Variants in TPRA1 observed in about 807,000 individuals in gnomAD.
TPRA1 encodes transmembrane protein adipocyte associated 1.
TPRA1 carries 28 observed loss-of-function variants against 40.1 expected under a neutral mutation model. That is an observed-to-expected ratio of 0.70 (90% CI 0.52 to 0.96). The LOEUF is 0.96. Ranked by LOEUF, TPRA1 falls within the 40% of genes least tolerant of loss-of-function variation. The pLI is 0.00. For missense variants in TPRA1, 441 were observed against 482.6 expected, an observed-to-expected ratio of 0.91 and a Z score of 0.81; for synonymous variants, 219 against 209.7, an observed-to-expected ratio of 1.04 and a Z score of -0.38.
At chr3:127,582,004 G>T (rs535647872) in intron 1 of TPRA1, among the ~76,000 whole-genome samples, 1 of 152,000 alleles carries the variant, frequency 6.6e-6, no homozygotes, top group South Asian at 2.1e-4. Context: ...GCAAGGAGCC[G>T]CCCAGTGAGC....
At chr3:127,587,891 T>C (rs551747786) in intron 1 of TPRA1, among the ~76,000 whole-genome samples, 88 of 152,156 alleles carry the variant, frequency 5.8e-4, no homozygotes, top group South Asian at 1.2e-3. Context: ...GAAGCCCCCA[T>C]TGCTGTGGGG....
intron 1 of TPRA1, among the ~76,000 whole-genome samples, chr3:127,581,093 G>C (rs2073816892): frequency 6.6e-6 from 1 of 152,220 alleles, no homozygotes; most frequent in Non-Finnish European, 1.5e-5. Flanking sequence ...TCCTAAGCTA[G>C]AGGACTCTCA....
chr3:127,575,859 C>T, intron 7 of TPRA1, 50 bp from the exon 8 acceptor site: 1 of 1,612,018 alleles, frequency 6.2e-7, no homozygotes. Flanking sequence ...CAGCCCAGAC[C>T]CACAGCCAGA....
In TPRA1 at chr3:127,572,916, T is replaced by C. The variant is rs1429538954; in HGVS notation, c.*605A>G. Among the ~76,000 whole-genome samples the C allele has an allele frequency of 6.6e-6, 1 of 152,142 alleles. No homozygotes were observed. Among genetic ancestry groups the C allele is most frequent in the Admixed American group, 6.5e-5 (1 of 15,276 alleles). On this transcript the variant is annotated 3_prime_UTR_variant, in exon 11 of 11. Transcript: ENST00000355552. ...AGCGGCAGCTGGGATCCTGTTTCTC[T>C]TCACCTCCCCAGCAGCCAGCCCAGG...
intron 3 of TPRA1, among the ~76,000 whole-genome samples, chr3:127,579,469 G>T (rs370316520): frequency 4.3e-4 from 65 of 152,140 alleles, no homozygotes; most frequent in African/African-American, 1.5e-3. Flanking sequence ...GGTCTACACT[G>T]GCACTATCAG....
At chr3:127,581,804 C>T (rs1002204523) in intron 1 of TPRA1, among the ~76,000 whole-genome samples, 154 of 151,712 alleles carry the variant, frequency 1.0e-3, no homozygotes, top group African/African-American at 3.6e-3. Context: ...TGCCTATAGT[C>T]CCAGCTACTC....
At chr3:127,578,477 A>G (rs2107634383) in intron 3 of TPRA1, among the ~76,000 whole-genome samples, 1 of 152,326 alleles carries the variant, frequency 6.6e-6, no homozygotes, top group African/African-American at 2.4e-5. Context: ...CCAAAAGTTG[A>G]TGGGCTGGGC....
At chr3:127,596,173 G>C (rs2074238639) in intron 1 of TPRA1, among the ~76,000 whole-genome samples, 1 of 152,108 alleles carries the variant, frequency 6.6e-6, no homozygotes, top group South Asian at 2.1e-4. Flanking sequence ...TCCACCTCCA[G>C]TGTTCAAGTG....
rs778520404 is a variant in TPRA1 at position 127,573,636 on chromosome 3, G to A, written c.1007C>T (p.Thr336Met). 49 of 1,613,402 alleles carry A rather than the reference G, an allele frequency of 3.0e-5. No homozygotes were observed. The South Asian group carries it at 4.2e-4, about 14-fold the overall frequency. ...CACCCCGCCGGCAGAGTCGAACTGC[G>A]TGCTCGAGTAGCTGGCAGCTGAGGC... ...AGASAASYSS[T>M]QFDSAGGVAY... is the part of the protein sequence containing the mutation. Residue 336 changes from threonine (T) to methionine (M), a missense_variant, in exon 11 of 11, where the codon ACG (threonine) becomes ATG (methionine). By Grantham distance (81) the Thr-to-Met change is moderately conservative. Transcript: ENST00000355552.
At position 127,572,763 on chromosome 3, in the gene TPRA1, C is replaced by T. The variant is rs915800628; in HGVS notation, c.*758G>A. ...CATTCTGCGTTTTAATGGAGCTGAG[C>T]AGAGAGAACCGGCTGCCCAAGACAA... On this transcript the variant is annotated 3_prime_UTR_variant, in exon 11 of 11. Coordinates refer to ENST00000355552, the MANE Select transcript of TPRA1 (RefSeq NM_001136053.4). Among the ~76,000 whole-genome samples, 7 of 152,210 alleles carry T rather than the reference C, an allele frequency of 4.6e-5. No homozygotes were observed. The highest frequency in any genetic ancestry group is 1.7e-4 in the African/African-American group (7 of 41,458).
chr3:127,583,873 G>A (rs1025973239), intron 1 of TPRA1, among the ~76,000 whole-genome samples: 2 of 151,956 alleles, frequency 1.3e-5, no homozygotes, highest in East Asian at 2.0e-4. Context: ...GTTTCATCAC[G>A]TTGGCCAGGA....
In TPRA1 at chr3:127,590,485, C is replaced by G. The variant is rs2074139221; in HGVS notation, c.-93G>C. 1 of 152,362 alleles carries G rather than the reference C, an allele frequency of 6.6e-6. No individual in the cohort carries two copies. The highest frequency in any genetic ancestry group is 2.4e-5 in the African/African-American group (1 of 41,460). 9.4% of individuals were successfully genotyped at this position (152,362 alleles called of 1,614,324 possible). A position where few individuals can be genotyped will look rare whatever the true frequency, so the allele number is the denominator to read the frequency against. ...CCCATCCGCCGCCACTGGGTGTGCG[C>G]GGATCCAGCACAGGCCGCGGGACTC... On this transcript the variant is annotated 5_prime_UTR_variant, in exon 1 of 11. Coordinates refer to ENST00000355552, the MANE Select transcript of TPRA1 (RefSeq NM_001136053.4).
At chr3:127,582,417 T>C (rs1298599607) in intron 1 of TPRA1, among the ~76,000 whole-genome samples, 1 of 151,310 alleles carries the variant, frequency 6.6e-6, no homozygotes, top group Non-Finnish European at 1.5e-5. Flanking sequence ...AATACAAAAA[T>C]TGGCCGGGTG....
Position 127,576,666 on chromosome 3 carries a change from C to T in TPRA1, c.449G>A (p.Arg150Gln), listed in dbSNP as rs1212491539. 6 of 1,610,924 alleles carry T rather than the reference C, an allele frequency of 3.7e-6. No individual in the cohort carries two copies. Among genetic ancestry groups the T allele is most frequent in the South Asian group, 3.3e-5 (3 of 90,488 alleles). ...GHLESKSSIK[R>Q]VLAITTVLSL... ...CAGCACTGTGGTGATGGCCAGCACC[C>T]GCTTGATGCTGGACTTACTCTCCAG... is the stretch of plus-strand genomic sequence containing the variant. The change falls in exon 6 of 11, where the codon CGG (arginine) becomes CAG (glutamine). Residue 150 changes from arginine to glutamine, a missense_variant. Physicochemically the swap from Arg to Gln is conservative, Grantham distance 43 (BLOSUM62 1). Coordinates refer to ENST00000355552, the MANE Select transcript of TPRA1 (RefSeq NM_001136053.4). This position sits in a 1 kb window ranked among gnomAD's most constrained non-coding sequence, Gnocchi z 4.6.
intron 1 of TPRA1, among the ~76,000 whole-genome samples, chr3:127,588,685 TGCTAC>T (rs986934488): frequency 9.9e-5 from 15 of 152,234 alleles, no homozygotes; most frequent in African/African-American, 3.4e-4. Context: ...CCTCCCAAAG[TGCTAC>T]GATTACAGGC....
upstream of TPRA1, chr3:127,591,135 G>GTGCGGGCGC (rs1451868736): frequency 6.6e-6 from 1 of 152,130 alleles, no homozygotes; most frequent in African/African-American, 2.4e-5. Context: ...GCCCCCTCGC[G>GTGCGGGCGC]TGCGGGCGCT....
Position 127,573,310 on chromosome 3 carries a change from T to G in TPRA1, c.*211A>C. On this transcript the variant is annotated 3_prime_UTR_variant, in exon 11 of 11. Coordinates refer to ENST00000355552, the MANE Select transcript of TPRA1 (RefSeq NM_001136053.4). ...TGTCACTGAGCAGTATGAGAGCAGG[T>G]GGGAAGGGGAGGAGGGTCCCCAGTG... 1 of 581,536 alleles carries G rather than the reference T, an allele frequency of 1.7e-6. No homozygotes were observed. The highest frequency in any genetic ancestry group is 2.9e-6 in the Non-Finnish European group (1 of 340,134). 36.0% of individuals were successfully genotyped at this position (581,536 alleles called of 1,614,324 possible). A position where few individuals can be genotyped will look rare whatever the true frequency, so the allele number is the denominator to read the frequency against.
chr3:127,573,678 G>A lies in TPRA1; in HGVS notation c.965C>T (p.Ala322Val). The A allele has an allele frequency of 3.7e-6, 6 of 1,613,616 alleles. No homozygotes were observed. Among genetic ancestry groups the A allele is most frequent in the Non-Finnish European group, 5.1e-6 (6 of 1,179,924 alleles). ...AGCTGAGGCCCCAGCAGCCCCTGCA[G>A]CCTCCAGGCCCTCCCGCCGGGCCAC... ...YAVARREGLE[A>V]AGAAGASAAS... is the part of the protein sequence containing the mutation. Residue 322 changes from alanine to valine, a missense_variant, in exon 11 of 11, where the codon GCT becomes GTT. Coordinates refer to ENST00000355552, the MANE Select transcript of TPRA1 (RefSeq NM_001136053.4).
upstream of TPRA1, chr3:127,598,209 C>G: frequency 1.7e-6 from 1 of 580,368 alleles, no homozygotes; most frequent in Non-Finnish European, 3.1e-6. Flanking sequence ...CGCTCCAGCT[C>G]CCACCACAGC....
Sources: allele counts gnomAD v4.1 joint callset (sites outside exome capture counted in the v4.1 genomes callset), GRCh38; gene constraint gnomAD v4.1.1; non-coding constraint Gnocchi (gnomAD v3.1); transcripts MANE v1.5; gene names NCBI Gene and HGNC (gene_info 2026-07-23, HGNC 2026-07-21).